The following SMYD3 variants were observed in gnomAD, a reference collection of about 807,000 sequenced individuals.
SMYD3 encodes SET and MYND domain containing 3.
Under a neutral mutation model 57.7 loss-of-function variants are expected in SMYD3, and 36 were observed. The observed-to-expected ratio is 0.62, with a 90% confidence interval of 0.48 to 0.82. The LOEUF (loss-of-function observed/expected upper bound fraction) is 0.82, where lower values mean the gene tolerates loss of function less well. Ranked by LOEUF, SMYD3 falls within the 40% of genes least tolerant of loss-of-function variation. The probability of loss-of-function intolerance (pLI) is 0.00; values close to 1 mark genes in which losing one functional copy is unlikely to be tolerated. For missense variants in SMYD3, 515 were observed against 538.8 expected (o/e 0.96, Z 0.44); for synonymous variants, 211 against 195.0 (o/e 1.08, Z -0.68).
intron 5 of SMYD3, among the ~76,000 whole-genome samples, chr1:246,018,200 T>TC (rs1491452020): frequency 2.6e-5 from 4 of 152,162 alleles, no homozygotes; most frequent in African/African-American, 9.7e-5. Context: ...TACACAGCTC[T>TC]TTCTCTCTGT....
At chr1:246,378,417 C>T (rs1232067219) in intron 1 of SMYD3, among the ~76,000 whole-genome samples, 1 of 151,732 alleles carries the variant, frequency 6.6e-6, no homozygotes, top group African/African-American at 2.4e-5. Context: ...TAATCAGCTG[C>T]CAGCACAGCT....
intron 5 of SMYD3, among the ~76,000 whole-genome samples, chr1:246,007,942 A>G (rs1209100340): frequency 6.6e-6 from 1 of 152,244 alleles, no homozygotes; most frequent in African/African-American, 2.4e-5. Context: ...GACAGTAATC[A>G]GTTAACAATC....
At chr1:246,454,213 G>A (rs1274413645) in intron 1 of SMYD3, among the ~76,000 whole-genome samples, 1 of 152,084 alleles carries the variant, frequency 6.6e-6, no homozygotes, top group African/African-American at 2.4e-5. Context: ...GCATTGAGGT[G>A]GGGAAAAATG....
intron 7 of SMYD3, among the ~76,000 whole-genome samples, chr1:245,920,110 G>A (rs1339945777): frequency 4.6e-5 from 7 of 152,040 alleles, no homozygotes; most frequent in Admixed American, 1.3e-4. Flanking sequence ...TCAGGAGATT[G>A]AGACCATCCT....
rs112903078 is a variant in SMYD3 at position 246,183,447 on chromosome 1, C to G, written c.531+143754G>C. Among the ~76,000 whole-genome samples, 233 of 151,666 alleles carry G rather than the reference C, an allele frequency of 1.5e-3. 1 individual carries two copies. Among genetic ancestry groups the G allele is most frequent in the African/African-American group, 5.4e-3 (222 of 41,340 alleles). On this transcript the variant is annotated intron_variant, in intron 5 of 11. Coordinates refer to ENST00000490107, the MANE Select transcript of SMYD3 (RefSeq NM_001167740.2). ...AAAAAAGCAAACAATGTCCAAGCTACATCACTTAAATACTGTCAGAACAAG... is the reference window on the plus strand; with the variant it reads ...AAAAAAGCAAACAATGTCCAAGCTAGATCACTTAAATACTGTCAGAACAAG...
At position 246,378,804 on chromosome 1, in the gene SMYD3, T is replaced by C. The variant is rs575741739; in HGVS notation, c.165-23710A>G. 5.1e-4 allele frequency among the ~76,000 whole-genome samples: 57 copies of C among 111,482 alleles called. 2 individuals carry two copies. The highest frequency in any genetic ancestry group is 1.9e-4 in the Non-Finnish European group (11 of 58,672). The allele number at this position is 111,482 out of a possible 152,430, so 73.1% of individuals were successfully genotyped here. A position where few individuals can be genotyped will look rare whatever the true frequency, so the allele number is the denominator to read the frequency against. ...ATATATTTAATATATTATTTTTATA[T>C]ATTATATATAATATATTTATATAGT... On this transcript the variant is annotated intron_variant, in intron 1 of 11. Transcript: ENST00000490107.
chr1:246,362,715 G>A (rs1164469234), intron 1 of SMYD3, among the ~76,000 whole-genome samples: 7 of 152,166 alleles, frequency 4.6e-5, no homozygotes, highest in African/African-American at 1.7e-4. Context: ...CGCCAGCCTC[G>A]GCCTCCCGGA....
intron 1 of SMYD3, among the ~76,000 whole-genome samples, chr1:246,418,665 G>A (rs1004892794): frequency 6.6e-6 from 1 of 152,140 alleles, no homozygotes; most frequent in African/African-American, 2.4e-5. Context: ...CTCAGCAGAT[G>A]GGGGAGCCAG....
At chr1:246,016,813 A>C (rs2059385357) in intron 5 of SMYD3, among the ~76,000 whole-genome samples, 1 of 152,130 alleles carries the variant, frequency 6.6e-6, no homozygotes, top group African/African-American at 2.4e-5. Flanking sequence ...GTTACCGAGA[A>C]TAAAATAGAC....
intron 2 of SMYD3, among the ~76,000 whole-genome samples, chr1:246,346,181 G>A (rs571464696): frequency 1.3e-5 from 2 of 152,160 alleles, no homozygotes; most frequent in Non-Finnish European, 2.9e-5. Flanking sequence ...CTCCTCGGGA[G>A]GCTGAGGCAG....
chr1:245,915,611 C>T lies in SMYD3; in HGVS notation c.732G>A (p.Met244Ile). ...ELTICYLDML[M>I]TSEERRKQLR... ...GCTGCTTCCGGCGCTCCTCACTGGT[C>T]ATCAGCATATCCAGGTAGCAGATGG... Residue 244 changes from methionine (M) to isoleucine (I), a missense_variant, in exon 8 of 12, where the codon ATG (methionine) becomes ATA (isoleucine). By Grantham distance (10) the Met-to-Ile change is conservative. Transcript: ENST00000490107. 6.2e-7 allele frequency: 1 copy of T among 1,613,960 alleles called. No homozygotes were observed. The highest frequency in any genetic ancestry group is 8.5e-7 in the Non-Finnish European group (1 of 1,179,900).
chr1:245,792,667 A>G (rs2148191495), intron 10 of SMYD3, among the ~76,000 whole-genome samples: 1 of 152,356 alleles, frequency 6.6e-6, no homozygotes, highest in East Asian at 1.9e-4. Flanking sequence ...GGACTTCATT[A>G]ATATTTGTTA....
Position 246,298,265 on chromosome 1 carries a change from GA to G in SMYD3, c.531+28935del, listed in dbSNP as rs894460188. Among the ~76,000 whole-genome samples, 48 of 151,824 alleles carry G rather than the reference GA, an allele frequency of 3.2e-4. 1 individual carries two copies. The highest frequency in any genetic ancestry group is 1.1e-3 in the African/African-American group (44 of 41,470). The stretch of plus-strand genomic sequence containing the variant: ...TAATAAATAGAAGCTATTACAGCAG[GA>G]AAAAAAGAATAAAACATAAGTGCAT... On this transcript the variant is annotated intron_variant, in intron 5 of 11. Transcript: ENST00000490107.
chr1:245,848,295 A>T (rs201076252), intron 10 of SMYD3, among the ~76,000 whole-genome samples: 1 of 137,212 alleles, frequency 7.3e-6, no homozygotes, highest in Non-Finnish European at 1.6e-5. Context: ...GTGTGTGTGT[A>T]TTTCTTGGTA....
chr1:245,822,956 G>A (rs776512697), intron 10 of SMYD3, among the ~76,000 whole-genome samples: 4 of 152,226 alleles, frequency 2.6e-5, no homozygotes, highest in Non-Finnish European at 5.9e-5. Flanking sequence ...CCCTGCTCGT[G>A]TTCTTGTCAG....
At chr1:246,325,004 G>A (rs1209723605) in intron 5 of SMYD3, among the ~76,000 whole-genome samples, 6 of 104,218 alleles carry the variant, frequency 5.8e-5, no homozygotes, top group Admixed American at 1.1e-4. Context: ...GAAGGAGGGA[G>A]AAGGAGTCGG....
chr1:246,298,917 T>C (rs1028606739), intron 5 of SMYD3, among the ~76,000 whole-genome samples: 1 of 152,168 alleles, frequency 6.6e-6, no homozygotes, highest in Non-Finnish European at 1.5e-5. Flanking sequence ...GCATTACTTA[T>C]ATCACTTTTA....
At chr1:246,166,793 G>A (rs2062221148) in intron 5 of SMYD3, among the ~76,000 whole-genome samples, 1 of 152,090 alleles carries the variant, frequency 6.6e-6, no homozygotes, top group Non-Finnish European at 1.5e-5. Flanking sequence ...TTTTTCTTGA[G>A]GTGAAACATA....
intron 5 of SMYD3, among the ~76,000 whole-genome samples, chr1:246,204,852 T>C (rs923306050): frequency 2.0e-5 from 3 of 152,236 alleles, no homozygotes; most frequent in African/African-American, 7.2e-5. Flanking sequence ...ATTTCACTCA[T>C]AAGCAAACTC....
Sources: allele counts gnomAD v4.1 joint callset (sites outside exome capture counted in the v4.1 genomes callset), GRCh38; gene constraint gnomAD v4.1.1; transcripts MANE v1.5; gene names NCBI Gene and HGNC (gene_info 2026-07-23, HGNC 2026-07-21).